RFTN2: variants seen among roughly 807,000 people sequenced by gnomAD.
The protein encoded by RFTN2 is raftlin family member 2.
In RFTN2, 34 loss-of-function variants were observed where a neutral mutation model predicts 52.7. That is an observed-to-expected ratio of 0.64 (90% CI 0.49 to 0.86). RFTN2 has a LOEUF of 0.86. Among genes scored for constraint, RFTN2 ranks in the 40% least tolerant of loss-of-function variants. The probability of loss-of-function intolerance (pLI) is 0.00; values close to 1 mark genes in which losing one functional copy is unlikely to be tolerated. For missense variants in RFTN2, 536 were observed against 600.1 expected (o/e 0.89, Z 1.12); for synonymous variants, 203 against 217.7 (o/e 0.93, Z 0.59).
intron 8 of RFTN2, among the ~76,000 whole-genome samples, chr2:197,581,767 C>A (rs2087514682): frequency 6.6e-6 from 1 of 152,158 alleles, no homozygotes; most frequent in South Asian, 2.1e-4. Context: ...TCTCTCAAAC[C>A]CCAACCCCTT....
At chr2:197,583,553 G>A (rs540711365) in intron 8 of RFTN2, among the ~76,000 whole-genome samples, 18 of 151,858 alleles carry the variant, frequency 1.2e-4, no homozygotes, top group Middle Eastern at 3.4e-3. Context: ...AAGGTAGAAC[G>A]GACTAATGGT....
intron 8 of RFTN2, among the ~76,000 whole-genome samples, chr2:197,594,356 C>T (rs1378266486): frequency 6.6e-6 from 1 of 151,954 alleles, no homozygotes; most frequent in Non-Finnish European, 1.5e-5. Flanking sequence ...GAGACAGGGT[C>T]TCACTCCGTC....
chr2:197,589,182 A>ATTG (rs1487690553), intron 8 of RFTN2, among the ~76,000 whole-genome samples: 1 of 123,474 alleles, frequency 8.1e-6, no homozygotes, highest in Non-Finnish European at 1.6e-5. Flanking sequence ...AGACCATGCC[A>ATTG]TTGCACCCCA....
At chr2:197,598,817 C>T (rs763809427) in intron 7 of RFTN2, among the ~76,000 whole-genome samples, 21 of 152,182 alleles carry the variant, frequency 1.4e-4, no homozygotes, top group Non-Finnish European at 2.9e-4. Flanking sequence ...CTTGGTGATA[C>T]TTGCTACTAT....
Position 197,644,169 on chromosome 2 carries a change from G to A in RFTN2, c.427C>T (p.Leu143=), listed in dbSNP as rs148701108. The A allele has an allele frequency of 1.9e-6, 3 of 1,596,346 alleles. No homozygotes were observed. The highest frequency in any genetic ancestry group is 2.6e-6 in the Non-Finnish European group (3 of 1,164,026). ...EAQTNDAAKE[L]IEKINVAAKR... ...CATAAATTTAGTACCTTTTCTATCA[G>A]TTCTTTTGCTGCGTCATTTGTTTGT... The change falls in exon 3 of 9, where the codon CTG becomes TTG. Residue 143 remains leucine, a synonymous_variant. Coordinates refer to ENST00000295049, the MANE Select transcript of RFTN2 (RefSeq NM_144629.3).
In RFTN2 at chr2:197,646,509, T is replaced by C. The variant is rs2088751082; in HGVS notation, c.297A>G (p.Arg99=). Residue 99 remains arginine (R), a synonymous_variant, in exon 2 of 9, where the codon AGA becomes AGG. Transcript: ENST00000295049. The part of the protein sequence containing the change: ...RKHLPASYLY[R]VVLLRLKLSP... ...TTAATTTCAAGCGCAATAGCACCAC[T>C]CTGTATAGGTAACTTGCAGGTAGGT... 6.2e-7 allele frequency: 1 copy of C among 1,614,160 alleles called. No homozygotes were observed. The highest frequency in any genetic ancestry group is 8.5e-7 in the Non-Finnish European group (1 of 1,180,000).
At chr2:197,672,861 A>T (rs1173076941) in intron 1 of RFTN2, among the ~76,000 whole-genome samples, 2 of 152,126 alleles carry the variant, frequency 1.3e-5, no homozygotes, top group African/African-American at 4.8e-5. Context: ...TGGGGAAGGG[A>T]GAGGGAGAGA....
intron 5 of RFTN2, among the ~76,000 whole-genome samples, chr2:197,627,834 C>T (rs2088391038): frequency 6.6e-6 from 1 of 152,070 alleles, no homozygotes; most frequent in African/African-American, 2.4e-5. Flanking sequence ...ACAACTTTTA[C>T]ACTCTGCTGA....
intron 7 of RFTN2, among the ~76,000 whole-genome samples, chr2:197,603,712 C>G (rs374205368): frequency 6.6e-6 from 1 of 152,032 alleles, no homozygotes; most frequent in Non-Finnish European, 1.5e-5. Context: ...GTCAGGAGTT[C>G]GAGACCAGCC....
Position 197,626,068 on chromosome 2 carries a change from C to T in RFTN2, c.928+4943G>A, listed in dbSNP as rs182057583. 5.2e-4 allele frequency among the ~76,000 whole-genome samples: 79 copies of T among 151,992 alleles called. 1 individual carries two copies. The highest frequency in any genetic ancestry group is 1.6e-3 in the African/African-American group (68 of 41,462). ...CCTCCCAAAGTGCTGGGATTACAAG[C>T]GTGAGCCACCGCACCTTGCTAGAAA... On this transcript the variant is annotated intron_variant, in intron 5 of 8. Transcript: ENST00000295049.
intron 8 of RFTN2, among the ~76,000 whole-genome samples, chr2:197,593,384 T>C (rs2087747313): frequency 1.3e-5 from 2 of 151,972 alleles, no homozygotes; most frequent in South Asian, 2.1e-4. Context: ...CATAAAAAAG[T>C]AAAACATGAT....
intron 8 of RFTN2, among the ~76,000 whole-genome samples, chr2:197,578,400 G>A (rs1385120874): frequency 1.3e-5 from 2 of 151,986 alleles, no homozygotes; most frequent in Non-Finnish European, 2.9e-5. Flanking sequence ...TTTTTACCAC[G>A]TGACTGTTAT....
Position 197,649,826 on chromosome 2 carries a change from C to T in RFTN2, c.140-3160G>A, listed in dbSNP as rs573325129. Among the ~76,000 whole-genome samples, 14 of 152,260 alleles carry T rather than the reference C, an allele frequency of 9.2e-5. No homozygotes were observed. The South Asian group carries it at 2.1e-3, about 23-fold the overall frequency. ...GAAGCCCACACAAAAAAGGCACCTA[C>T]GAAGTTCAAAGAGGCACTTAAGTTG... is the stretch of plus-strand genomic sequence containing the variant. On this transcript the variant is annotated intron_variant, in intron 1 of 8. Transcript: ENST00000295049.
At chr2:197,572,610 C>A (rs950598514) in intron 8 of RFTN2, among the ~76,000 whole-genome samples, 4 of 152,166 alleles carry the variant, frequency 2.6e-5, no homozygotes, top group Non-Finnish European at 5.9e-5. Flanking sequence ...GAGAACAAAG[C>A]AAGGTATAAA....
chr2:197,572,109 T>C lies in RFTN2; in HGVS notation c.1405A>G (p.Asn469Asp), dbSNP rs918921136. The change falls in exon 9 of 9, where the codon AAC becomes GAC. Residue 469 changes from asparagine (N) to aspartate (D), a missense_variant. Coordinates refer to ENST00000295049, the MANE Select transcript of RFTN2 (RefSeq NM_144629.3). The part of the protein sequence containing the change: ...WTKEGRLAQH[N>D]SFSGFSSSDN... ...CTGCTGCTGAACCCAGAGAAGCTGT[T>C]GTGCTGTGCCAGCCTTCCCTCCTTT... 6 of 1,614,266 alleles carry C rather than the reference T, an allele frequency of 3.7e-6. No individual in the cohort carries two copies. Among genetic ancestry groups the C allele is most frequent in the Non-Finnish European group, 5.1e-6 (6 of 1,180,052 alleles).
intron 5 of RFTN2, among the ~76,000 whole-genome samples, chr2:197,621,406 T>G (rs2088263167): frequency 6.6e-6 from 1 of 151,342 alleles, no homozygotes; most frequent in Non-Finnish European, 1.5e-5. Flanking sequence ...TACCGGTTTT[T>G]TTTTTTTTTT....
chr2:197,619,528 C>G (rs2088221029), intron 5 of RFTN2, among the ~76,000 whole-genome samples: 2 of 149,558 alleles, frequency 1.3e-5, no homozygotes, highest in African/African-American at 4.9e-5. Flanking sequence ...CTTTGTTAAA[C>G]AGATGCTTGA....
intron 5 of RFTN2, among the ~76,000 whole-genome samples, chr2:197,629,882 CCTGA>C (rs1244562017): frequency 1.3e-5 from 2 of 151,946 alleles, no homozygotes; most frequent in Non-Finnish European, 2.9e-5. Flanking sequence ...TGCCACCATG[CCTGA>C]CTAACGTTTG....
chr2:197,590,066 C>T (rs77615390), intron 8 of RFTN2, among the ~76,000 whole-genome samples: 23,392 of 150,560 alleles, frequency 0.16, 2,060 homozygotes, highest in Middle Eastern at 0.28. Context: ...CGCCACCATG[C>T]CCAGCTAATT....
Sources: gnomAD v4.1 joint callset for allele counts (sites outside exome capture counted in the v4.1 genomes callset) on GRCh38, gnomAD v4.1.1 for gene constraint, MANE v1.5 for transcripts, NCBI Gene and HGNC (gene_info 2026-07-23, HGNC 2026-07-21) for gene names.